The following FXR2 variants were observed in gnomAD, a reference collection of about 807,000 sequenced individuals.
The protein encoded by FXR2 is FMR1 autosomal homolog 2.
FXR2 carries 9 observed loss-of-function variants against 87.3 expected under a neutral mutation model. The ratio of observed to expected loss-of-function variants is 0.10; its 90% CI spans 0.06 to 0.18. The LOEUF (loss-of-function observed/expected upper bound fraction) is 0.18. Ranked by LOEUF, FXR2 falls within the 10% of genes least tolerant of loss-of-function variation. FXR2 has a pLI of 1.00. For synonymous variants in FXR2, 331 were observed against 328.3 expected (o/e 1.01, Z -0.09); for missense variants, 661 against 893.6 (o/e 0.74, Z 3.32).
chr17:7,606,398 C>G (rs2071803552), intron 1 of FXR2, among the ~76,000 whole-genome samples: 1 of 152,188 alleles, frequency 6.6e-6, no homozygotes, highest in Non-Finnish European at 1.5e-5. Context: ...AACCAATGAT[C>G]TACTCAGGCT....
At chr17:7,606,371 C>T (rs762842344) in intron 1 of FXR2, among the ~76,000 whole-genome samples, 2 of 150,548 alleles carry the variant, frequency 1.3e-5, no homozygotes, top group Non-Finnish European at 2.9e-5. Flanking sequence ...GTACCACCTG[C>T]ATCAGAACAG....
At position 7,593,560 on chromosome 17, in the gene FXR2, G is replaced by A. The variant is rs1226071143; in HGVS notation, c.1173C>T (p.Gly391=). 2 of 1,597,576 alleles carry A rather than the reference G, an allele frequency of 1.3e-6. No individual in the cohort carries two copies. Among genetic ancestry groups the A allele is most frequent in the Admixed American group, 1.7e-5 (1 of 57,712 alleles). The stretch of plus-strand genomic sequence containing the variant: ...CCCGCCCACTCCCAGGAGGGCGAAA[G>A]CCCAGCCCAATCTGCCGAAGCTGCT... The part of the protein sequence containing the change: ...IDEQLRQIGL[G]FRPPGSGRGS... The change falls in exon 12 of 17, where the codon GGC becomes GGT. Residue 391 remains glycine, a synonymous_variant. Transcript: ENST00000250113. This position sits in a 1 kb window ranked among gnomAD's most constrained non-coding sequence, Gnocchi z 6.1.
intron 6 of FXR2, among the ~76,000 whole-genome samples, chr17:7,602,290 G>A (rs2071763904): frequency 1.3e-5 from 2 of 152,118 alleles, no homozygotes; most frequent in Admixed American, 6.6e-5. Flanking sequence ...GGCATGTCGG[G>A]CGCGGTGGCT....
chr17:7,600,209 T>C (rs1050410445), intron 7 of FXR2, among the ~76,000 whole-genome samples: 1 of 146,484 alleles, frequency 6.8e-6, no homozygotes, highest in Non-Finnish European at 1.5e-5. Flanking sequence ...ATATCCTTTT[T>C]TTCTTTGAGA....
chr17:7,610,005 C>CGT (rs2071845715), intron 1 of FXR2, among the ~76,000 whole-genome samples: 1 of 98,696 alleles, frequency 1.0e-5, no homozygotes, highest in African/African-American at 4.2e-5. Flanking sequence ...TATATGTATA[C>CGT]ATATATATAT....
intron 1 of FXR2, among the ~76,000 whole-genome samples, chr17:7,610,525 A>C (rs1449766418): frequency 6.6e-6 from 1 of 152,176 alleles, no homozygotes; most frequent in Non-Finnish European, 1.5e-5. Flanking sequence ...CACATTACTC[A>C]GCAGTTCAAC....
intron 5 of FXR2, 70 bp downstream of exon 5, chr17:7,603,687 C>A: frequency 6.7e-7 from 1 of 1,484,750 alleles, no homozygotes; most frequent in South Asian, 1.2e-5. Context: ...GGGAGTGATG[C>A]CTGGGAGAAA....
rs1410500805 is a variant in FXR2 at position 7,593,052 on chromosome 17, C to A, written c.1460G>T (p.Gly487Val). ...GGCAGGTGGGGGTCCCCTACCCCGG[C>A]CCCCAGTCGGCCGCCTCCGGCTTTC... is the stretch of plus-strand genomic sequence containing the variant. ...GEESRRRPTG[G>V]RGRGPPPAPR... The change falls in exon 13 of 17, where the codon GGC becomes GTC. Residue 487 changes from glycine to valine, a missense_variant. This residue lies in a region of FXR2 where 409 missense variants were observed against 432.0 expected (regional missense o/e 0.95). Coordinates refer to ENST00000250113, the MANE Select transcript of FXR2 (RefSeq NM_004860.4). The surrounding 1 kb of genome is among the most constrained non-coding windows in gnomAD (Gnocchi z 6.1). The A allele has an allele frequency of 1.9e-6, 3 of 1,583,548 alleles. No homozygotes were observed. The highest frequency in any genetic ancestry group is 2.6e-6 in the Non-Finnish European group (3 of 1,167,730).
At chr17:7,612,307 G>A (rs2071872776) in intron 1 of FXR2, among the ~76,000 whole-genome samples, 2 of 152,166 alleles carry the variant, frequency 1.3e-5, no homozygotes, top group African/African-American at 4.8e-5. Flanking sequence ...AAGGTAAACA[G>A]GGAGGGCCAC....
At chr17:7,613,159 AG>A (rs1462955315) in intron 1 of FXR2, among the ~76,000 whole-genome samples, 1 of 151,608 alleles carries the variant, frequency 6.6e-6, no homozygotes, top group Admixed American at 6.6e-5. Context: ...GAGAAACTAG[AG>A]AGGACTACAG....
At position 7,592,933 on chromosome 17, in the gene FXR2, G is replaced by T. The variant is rs2150939965; in HGVS notation, c.1529-39C>A. The T allele has an allele frequency of 6.5e-7, 1 of 1,544,064 alleles. No individual in the cohort carries two copies. Among genetic ancestry groups the T allele is most frequent in the Non-Finnish European group, 8.7e-7 (1 of 1,143,792 alleles). ...GAAGAGGAGGAGTTGGCAGTCAGGT[G>T]CCCATCATCTTTCCTTTTGGCCCAT... On this transcript the variant is annotated intron_variant, in intron 13 of 16. Coordinates refer to ENST00000250113, the MANE Select transcript of FXR2 (RefSeq NM_004860.4). The surrounding 1 kb of genome is among the most constrained non-coding windows in gnomAD (Gnocchi z 4.8).
At position 7,599,290 on chromosome 17, in the gene FXR2, G is replaced by A. The variant is rs79693490; in HGVS notation, c.660+2119C>T. ...TACACTCCAGCCTGGATAACAGACT[G>A]AGACTCCATCTCAAAACAAAAAACA... On this transcript the variant is annotated intron_variant, in intron 7 of 16. Transcript: ENST00000250113. Among the ~76,000 whole-genome samples the A allele has an allele frequency of 4.8e-3, 729 of 152,200 alleles. 4 individuals carry two copies. Among genetic ancestry groups the A allele is most frequent in the Middle Eastern group, 0.01 (3 of 294 alleles).
chr17:7,607,971 A>G (rs1224002987), intron 1 of FXR2, among the ~76,000 whole-genome samples: 2 of 151,572 alleles, frequency 1.3e-5, no homozygotes, highest in Non-Finnish European at 2.9e-5. Flanking sequence ...CTGTATTTTT[A>G]AGAGAGACAG....
chr17:7,602,596 A>G (rs2150944465), intron 6 of FXR2: 1 of 188,006 alleles, frequency 5.3e-6, no homozygotes, highest in Admixed American at 5.7e-5. Flanking sequence ...CGGCGTGGTG[A>G]CGCACACCTG....
Position 7,591,610 on chromosome 17 carries a change from G to A in FXR2, c.*220C>T. On this transcript the variant is annotated 3_prime_UTR_variant, in exon 17 of 17. Transcript: ENST00000250113. The surrounding 1 kb of genome is among the most constrained non-coding windows in gnomAD (Gnocchi z 4.0). ...TCCAGTCTGATGGGGAAGGAGAGAG[G>A]CTCCCCTTACCCTGGGGGTAGGGTG... The A allele has an allele frequency of 1.8e-6, 1 of 563,884 alleles. No homozygotes were observed. Among genetic ancestry groups the A allele is most frequent in the South Asian group, 2.0e-5 (1 of 50,558 alleles). 34.9% of individuals were successfully genotyped at this position (563,884 alleles called of 1,614,324 possible). A position where few individuals can be genotyped will look rare whatever the true frequency, so the allele number is the denominator to read the frequency against.
rs545121685 is a variant in FXR2 at position 7,593,423 on chromosome 17, C to G, written c.1310G>C (p.Arg437Thr). The G allele has an allele frequency of 4.4e-6, 7 of 1,578,156 alleles. No individual in the cohort carries two copies. In the South Asian group the frequency reaches 8.1e-5, roughly 18 times the overall value. ...CTCACCATAGGCAGGACCGCCTGTC[C>G]TCCGGCCACGGCCACGGCCCCCATA... ...GSYGGRGRGRRTGGPAYGPSS... is the reference protein window; with the variant it reads ...GSYGGRGRGRTTGGPAYGPSS... The change falls in exon 12 of 17, where the codon AGG becomes ACG. Residue 437 changes from arginine to threonine, a missense_variant. Transcript: ENST00000250113. This position sits in a 1 kb window ranked among gnomAD's most constrained non-coding sequence, Gnocchi z 6.1.
rs756941156 is a variant in FXR2 at position 7,593,097 on chromosome 17, T to A, written c.1415A>T (p.Asp472Val). 3.8e-6 allele frequency: 6 copies of A among 1,594,540 alleles called. No individual in the cohort carries two copies. The highest frequency in any genetic ancestry group is 5.1e-6 in the Non-Finnish European group (6 of 1,171,146). ...GCTTTCTTCCCCTCGGGTTGGGGGA[T>A]CCCTGTCGCCAGGCCCAGCTCGGTT... ...EPNRAGPGDR[D>V]PPTRGEESRR... is the part of the protein sequence containing the mutation. Residue 472 changes from aspartate (D) to valine (V), a missense_variant, in exon 13 of 17, where the codon GAT (aspartate) becomes GTT (valine). Physicochemically the swap from Asp to Val is radical, Grantham distance 152. Transcript: ENST00000250113. This position sits in a 1 kb window ranked among gnomAD's most constrained non-coding sequence, Gnocchi z 6.1.
At chr17:7,602,881 A>AT (rs1412435329) in intron 6 of FXR2, 28 bp downstream of exon 6, 2 of 1,046,878 alleles carry the variant, frequency 1.9e-6, no homozygotes, top group Non-Finnish European at 3.0e-6. Context: ...CAAAAGGCTT[A>AT]TGTGAAATTC....
chr17:7,614,339 A>G, intron 1 of FXR2, 113 bp downstream of exon 1: 1 of 802,418 alleles, frequency 1.2e-6, no homozygotes, highest in Non-Finnish European at 2.0e-6. Flanking sequence ...CAAGGGTCCA[A>G]GATTCTAAGG....
Sources: allele counts gnomAD v4.1 joint callset (sites outside exome capture counted in the v4.1 genomes callset), GRCh38; gene constraint gnomAD v4.1.1; regional missense constraint gnomAD v4.1.1; non-coding constraint Gnocchi (gnomAD v3.1); transcripts MANE v1.5; gene names NCBI Gene and HGNC (gene_info 2026-07-23, HGNC 2026-07-21).